TRIM32: variants seen among roughly 807,000 people sequenced by gnomAD.
The protein encoded by TRIM32 is E3 ubiquitin-protein ligase TRIM32.
In TRIM32, 19 loss-of-function variants were observed where a neutral mutation model predicts 36.0. The ratio of observed to expected loss-of-function variants is 0.53; its 90% CI spans 0.37 to 0.77. The LOEUF (loss-of-function observed/expected upper bound fraction) is 0.77, where lower values mean the gene tolerates loss of function less well. Ranked by LOEUF, TRIM32 falls within the 30% of genes least tolerant of loss-of-function variation. The pLI is 0.00. For missense variants in TRIM32, 747 were observed against 845.2 expected (o/e 0.88, Z 1.44); for synonymous variants, 309 against 318.5 (o/e 0.97, Z 0.32).
In TRIM32 at chr9:116,697,804, C is replaced by T; in HGVS notation, c.62C>T (p.Pro21Leu). 1 of 1,614,130 alleles carries T rather than the reference C, an allele frequency of 6.2e-7. No homozygotes were observed. The highest frequency in any genetic ancestry group is 8.5e-7 in the Non-Finnish European group (1 of 1,180,030). The change falls in exon 2 of 2, where the codon CCC becomes CTC. Residue 21 changes from proline to leucine, a missense_variant. Transcript: ENST00000450136. ...GCCCTCCGGGAAGTGCTAGAATGCC[C>T]CATCTGCATGGAGTCCTTCACAGAA... ...LDALREVLEC[P>L]ICMESFTEEQ...
rs571526516 is a variant in TRIM32 at position 116,699,788 on chromosome 9, A to C, written c.*84A>C. 1.2e-3 allele frequency: 1,969 copies of C among 1,583,060 alleles called. 3 individuals are homozygous for C. The highest frequency in any genetic ancestry group is 1.6e-3 in the Non-Finnish European group (1,873 of 1,154,270). ...TGGTTGTTAGTGGCACATGCAGAAT[A>C]GACTCAGCCTATGTCCTGATTCCAG... On this transcript the variant is annotated 3_prime_UTR_variant, in exon 2 of 2. Coordinates refer to ENST00000450136, the MANE Select transcript of TRIM32 (RefSeq NM_012210.4). The surrounding 1 kb of genome is among the most constrained non-coding windows in gnomAD (Gnocchi z 4.2).
rs1009722752 is a variant in TRIM32 at position 116,700,030 on chromosome 9, C to T, written c.*326C>T. On this transcript the variant is annotated 3_prime_UTR_variant, in exon 2 of 2. Coordinates refer to ENST00000450136, the MANE Select transcript of TRIM32 (RefSeq NM_012210.4). Reference sequence around the variant, plus strand: ...CTTTGTGCCATGTTTGAAATTTGCCCTTGTATTAAATCCTTGATTTTTTCC... The same window carrying T: ...CTTTGTGCCATGTTTGAAATTTGCCTTTGTATTAAATCCTTGATTTTTTCC... 1.0e-5 allele frequency: 4 copies of T among 387,610 alleles called. No individual in the cohort carries two copies. Among genetic ancestry groups the T allele is most frequent in the Non-Finnish European group, 2.0e-5 (4 of 204,054 alleles). The allele number at this position is 387,610 out of a possible 1,614,324, so 24.0% of individuals were successfully genotyped here.
At chr9:116,689,970 T>C (rs1469714776) in intron 1 of TRIM32, among the ~76,000 whole-genome samples, 1 of 152,188 alleles carries the variant, frequency 6.6e-6, no homozygotes, top group African/African-American at 2.4e-5. Context: ...TGGTCTGCTT[T>C]TCCCTGGAAC....
chr9:116,697,335 C>A, intron 1 of TRIM32: 1 of 231,824 alleles, frequency 4.3e-6, no homozygotes, highest in Non-Finnish European at 8.7e-6. Context: ...TTATAATAAC[C>A]ATATAAGGCA....
chr9:116,690,373 A>C (rs1860503771), intron 1 of TRIM32, among the ~76,000 whole-genome samples: 1 of 152,222 alleles, frequency 6.6e-6, no homozygotes, highest in Non-Finnish European at 1.5e-5. Context: ...TTGGGATACA[A>C]ACCCAGTTCT....
chr9:116,691,413 T>C (rs1234072029), intron 1 of TRIM32, among the ~76,000 whole-genome samples: 1 of 151,858 alleles, frequency 6.6e-6, no homozygotes, highest in East Asian at 1.9e-4. Flanking sequence ...TGCAAGGGAG[T>C]CTTTCTAGGT....
At chr9:116,692,868 C>A (rs562106957) in intron 1 of TRIM32, among the ~76,000 whole-genome samples, 1 of 152,202 alleles carries the variant, frequency 6.6e-6, no homozygotes, top group South Asian at 2.1e-4. Context: ...GAGATTGCTA[C>A]GAATTCTAGC....
rs1302739053 is a variant in TRIM32 at position 116,687,345 on chromosome 9, T to C, written c.-118T>C. 3.5e-6 allele frequency: 3 copies of C among 851,322 alleles called. No individual in the cohort carries two copies. The highest frequency in any genetic ancestry group is 2.0e-5 in the African/African-American group (1 of 49,302). The allele number at this position is 851,322 out of a possible 1,614,324, so 52.7% of individuals were successfully genotyped here. A position where few individuals can be genotyped will look rare whatever the true frequency, so the allele number is the denominator to read the frequency against. ...CGCAGAGGGAGGCAGGCGGGTGGGC[T>C]GCCGGCGGTGGACTCGTCGGAGCCG... On this transcript the variant is annotated 5_prime_UTR_variant, in exon 1 of 2. Coordinates refer to ENST00000450136, the MANE Select transcript of TRIM32 (RefSeq NM_012210.4).
chr9:116,691,163 T>A (rs993114095), intron 1 of TRIM32, among the ~76,000 whole-genome samples: 1 of 152,194 alleles, frequency 6.6e-6, no homozygotes, highest in African/African-American at 2.4e-5. Flanking sequence ...CCCTAAGTAG[T>A]CTCTGCTAGT....
intron 1 of TRIM32, among the ~76,000 whole-genome samples, chr9:116,694,194 C>A (rs1438578461): frequency 6.6e-6 from 1 of 152,102 alleles, no homozygotes; most frequent in Non-Finnish European, 1.5e-5. Context: ...AGGTAGGAAG[C>A]TTTTCAATTG....
Position 116,696,081 on chromosome 9 carries a change from T to TC in TRIM32, c.-81-1577dup, listed in dbSNP as rs200994877. Among the ~76,000 whole-genome samples, 882 of 152,280 alleles carry TC rather than the reference T, an allele frequency of 5.8e-3. 10 individuals carry two copies. Among genetic ancestry groups the TC allele is most frequent in the African/African-American group, 0.02 (831 of 41,532 alleles). ...CATTATCCCCGTCTTCTCTGATGTT[T>TC]CCCCACTCCATTCCTGCTTTGATCA... On this transcript the variant is annotated intron_variant, in intron 1 of 1. Transcript: ENST00000450136.
chr9:116,698,508 G>A lies in TRIM32; in HGVS notation c.766G>A (p.Glu256Lys). 6.2e-7 allele frequency: 1 copy of A among 1,613,844 alleles called. No homozygotes were observed. The highest frequency in any genetic ancestry group is 8.5e-7 in the Non-Finnish European group (1 of 1,180,024). Residue 256 changes from glutamate (E) to lysine (K), a missense_variant, in exon 2 of 2, where the codon GAG becomes AAG. Transcript: ENST00000450136. The surrounding 1 kb of genome is among the most constrained non-coding windows in gnomAD (Gnocchi z 4.4). Reference protein sequence around the residue: ...IKQADVALLEETADEEEPELT... With the variant: ...IKQADVALLEKTADEEEPELT... ...GCAGGCAGATGTAGCACTACTGGAG[G>A]AGACAGCTGATGAGGAGGAGCCAGA...
At chr9:116,695,631 C>G (rs1045304054) in intron 1 of TRIM32, among the ~76,000 whole-genome samples, 1 of 152,194 alleles carries the variant, frequency 6.6e-6, no homozygotes, top group Non-Finnish European at 1.5e-5. Flanking sequence ...GGTTGACCAT[C>G]TGCAGATCAC....
At position 116,698,918 on chromosome 9, in the gene TRIM32, C is replaced by G. The variant is rs1229699953; in HGVS notation, c.1176C>G (p.Asn392Lys). Residue 392 changes from asparagine (N) to lysine (K), a missense_variant, in exon 2 of 2, where the codon AAC becomes AAG. Asn to Lys is a moderately conservative substitution (Grantham distance 94). Coordinates refer to ENST00000450136, the MANE Select transcript of TRIM32 (RefSeq NM_012210.4). The surrounding 1 kb of genome is among the most constrained non-coding windows in gnomAD (Gnocchi z 4.4). ...AAGTACTAGTCGCTGACCGTGGTAA[C>G]TATCGTATACAAGTCTTTACCCGCA... ...QGEVLVADRG[N>K]YRIQVFTRKG... 6.2e-7 allele frequency: 1 copy of G among 1,614,112 alleles called. No individual in the cohort carries two copies. Among genetic ancestry groups the G allele is most frequent in the Non-Finnish European group, 8.5e-7 (1 of 1,180,050 alleles).
rs746368262 is a variant in TRIM32, at chr9:116,697,959, T to C, written c.217T>C (p.Leu73=). Residue 73 remains leucine (L), a synonymous_variant, in exon 2 of 2, where the codon TTG becomes CTG. Transcript: ENST00000450136. ...FCSKITRITS[L]TQLTDNLTVL... ...CAGCAAGATTACCCGCATAACCAGCTTGACCCAGCTGACAGACAATCTGAC... is the reference window on the plus strand; with the variant it reads ...CAGCAAGATTACCCGCATAACCAGCCTGACCCAGCTGACAGACAATCTGAC... The C allele has an allele frequency of 8.7e-6, 14 of 1,614,130 alleles. No homozygotes were observed. In the South Asian group the frequency reaches 1.4e-4, roughly 16 times the overall value.
At chr9:116,688,435 A>G (rs1860385693) in intron 1 of TRIM32, among the ~76,000 whole-genome samples, 1 of 152,122 alleles carries the variant, frequency 6.6e-6, no homozygotes, top group Non-Finnish European at 1.5e-5. Flanking sequence ...AAGGACCTAA[A>G]AGTAATGTAT....
intron 1 of TRIM32, among the ~76,000 whole-genome samples, chr9:116,689,680 G>A (rs1860464436): frequency 6.6e-6 from 1 of 152,200 alleles, no homozygotes; most frequent in South Asian, 2.1e-4. Context: ...AGGATTGCCA[G>A]TGAGTATCAC....
chr9:116,694,459 C>CTTTTTTTTTTTT (rs56666915), intron 1 of TRIM32, among the ~76,000 whole-genome samples: 3 of 88,036 alleles, frequency 3.4e-5, no homozygotes, highest in Non-Finnish European at 6.0e-5. Context: ...TGTAATTTCT[C>CTTTTTTTTTTTT]TTTTTTTTTT....
rs1309347991 is a variant in TRIM32 at position 116,697,670 on chromosome 9, T to TA, written c.-73_-72insA. ...TTTCTTTTTCTCTTTAGCAGGAATTTGACCCTCTAGGGCATGAATACTGTG... is the reference window on the plus strand; with the variant it reads ...TTTCTTTTTCTCTTTAGCAGGAATTTAGACCCTCTAGGGCATGAATACTGTG... On this transcript the variant is annotated 5_prime_UTR_variant, in exon 2 of 2. Transcript: ENST00000450136. The TA allele has an allele frequency of 1.9e-6, 3 of 1,588,010 alleles. No individual in the cohort carries two copies. The highest frequency in any genetic ancestry group is 2.6e-6 in the Non-Finnish European group (3 of 1,164,006).
Sources: allele counts gnomAD v4.1 joint callset (sites outside exome capture counted in the v4.1 genomes callset), GRCh38; gene constraint gnomAD v4.1.1; non-coding constraint Gnocchi (gnomAD v3.1); transcripts MANE v1.5; gene names NCBI Gene and HGNC (gene_info 2026-07-23, HGNC 2026-07-21).